Variants in UBA6 observed in about 807,000 individuals in gnomAD.
UBA6 encodes the protein ubiquitin like modifier activating enzyme 6.
A neutral mutation model predicts 148.3 loss-of-function variants in UBA6; 87 were observed. The observed-to-expected ratio is 0.59, with a 90% CI of 0.49 to 0.70. UBA6 has a LOEUF of 0.70. UBA6 is among the 30% of genes least tolerant of loss of function. The pLI, the probability that UBA6 is intolerant of heterozygous loss-of-function variation, is 0.00. For synonymous variants in UBA6, 376 were observed against 401.0 expected, an observed-to-expected ratio of 0.94 and a Z score of 0.75; for missense variants, 1,186 against 1,241.2, an observed-to-expected ratio of 0.96 and a Z score of 0.67.
chr4:67,626,389 T>C lies in UBA6; in HGVS notation c.2489A>G (p.Lys830Arg), dbSNP rs779585019. Residue 830 changes from lysine to arginine, a missense_variant, in exon 28 of 33, where the codon AAG (lysine) becomes AGG (arginine). Lys to Arg is a conservative substitution (Grantham distance 26). Coordinates refer to ENST00000322244, the MANE Select transcript of UBA6 (RefSeq NM_018227.6). ...DERNAIFQLE[K>R]AILSNEATKS... ...GGTGGCTTCATTAGATAAAATAGCC[T>C]TTTCTAGTTGGAAAATTGCATTCCT... 3.2e-5 allele frequency: 52 copies of C among 1,610,792 alleles called. No individual in the cohort carries two copies. The East Asian group carries it at 1.1e-3, about 35-fold the overall frequency.
chr4:67,631,724 C>A lies in UBA6; in HGVS notation c.2242G>T (p.Asp748Tyr). 3.7e-6 allele frequency: 6 copies of A among 1,608,600 alleles called. No homozygotes were observed. In the South Asian group the frequency reaches 5.5e-5, roughly 15 times the overall value. The change falls in exon 25 of 33, where the codon GAT (aspartate) becomes TAT (tyrosine). Residue 748 changes from aspartate to tyrosine, a missense_variant. By Grantham distance (160) the Asp-to-Tyr change is radical. Transcript: ENST00000322244. Reference sequence around the variant, plus strand: ...AATACTTACAAAGGCTCATTTAAATCAAATTTTATTGGAGAGGGTGGCCTC... The same window carrying A: ...AATACTTACAAAGGCTCATTTAAATAAAATTTTATTGGAGAGGGTGGCCTC... ...PKRPPSPIKF[D>Y]LNEPLHLSFL...
chr4:67,653,582 C>T (rs554397508), intron 13 of UBA6, among the ~76,000 whole-genome samples: 37 of 152,282 alleles, frequency 2.4e-4, no homozygotes, highest in African/African-American at 8.4e-4. Context: ...TGGGGAGAAA[C>T]CAGAGCAGAA....
intron 26 of UBA6, 121 bp from the exon 27 acceptor site, chr4:67,629,263 T>C (rs558899456): frequency 1.4e-5 from 9 of 656,552 alleles, no homozygotes; most frequent in Middle Eastern, 4.3e-4. Flanking sequence ...TCTGAATATG[T>C]AGACATCCAT....
intron 13 of UBA6, among the ~76,000 whole-genome samples, chr4:67,652,249 A>G (rs1033035368): frequency 6.6e-6 from 1 of 152,198 alleles, no homozygotes; most frequent in African/African-American, 2.4e-5. Flanking sequence ...CTCTCAACCA[A>G]TAATTAAAAG....
chr4:67,628,273 C>A (rs1175984520), intron 27 of UBA6, among the ~76,000 whole-genome samples: 2 of 151,834 alleles, frequency 1.3e-5, no homozygotes, highest in African/African-American at 4.8e-5. Context: ...CTTATTTCAA[C>A]TAAGAAAATA....
At chr4:67,631,241 T>C (rs778488548) in intron 25 of UBA6, among the ~76,000 whole-genome samples, 1 of 152,108 alleles carries the variant, frequency 6.6e-6, no homozygotes, top group Non-Finnish European at 1.5e-5. Flanking sequence ...AAAATATACA[T>C]ATACACACAA....
Position 67,639,065 on chromosome 4 carries a change from T to A in UBA6, c.1614A>T (p.Ile538=). 1 of 1,613,634 alleles carries A rather than the reference T, an allele frequency of 6.2e-7. No individual in the cohort carries two copies. The highest frequency in any genetic ancestry group is 8.5e-7 in the Non-Finnish European group (1 of 1,179,790). The change falls in exon 19 of 33, where the codon ATA becomes ATT. Residue 538 remains isoleucine, a synonymous_variant. Coordinates refer to ENST00000322244, the MANE Select transcript of UBA6 (RefSeq NM_018227.6). The part of the protein sequence containing the change: ...ATLKINSQIK[I]DAHLNKVCPT... ...GACATACTTTGTTCAGGTGTGCATC[T>A]ATCTTTATTTGAGAATTTATTTTCA...
At chr4:67,689,898 G>A (rs148172434) in intron 2 of UBA6, among the ~76,000 whole-genome samples, 155 of 152,126 alleles carry the variant, frequency 1.0e-3, no homozygotes, top group African/African-American at 3.5e-3. Context: ...CACAGTCTAC[G>A]ACTTAGAAAA....
chr4:67,645,791 C>T (rs1577805462), intron 16 of UBA6, 147 bp downstream of exon 16: 2 of 410,236 alleles, frequency 4.9e-6, no homozygotes, highest in African/African-American at 4.1e-5. Context: ...AGACAGTAAA[C>T]AATTTCAGCT....
Position 67,663,141 on chromosome 4 carries a change from A to G in UBA6, c.1035T>C (p.Val345=). The change falls in exon 12 of 33, where the codon GTT becomes GTC. Residue 345 remains valine, a splice_region_variant and synonymous_variant. Transcript: ENST00000322244. The part of the protein sequence containing the change: ...FQEKYSRKPN[V]GCQQDSEELL... ...TATTTTTAAACTTAAAACATTACCC[A>G]ACATTTGGCTTGCGACTGTATTTCT... is the stretch of plus-strand genomic sequence containing the variant. 1 of 1,604,758 alleles carries G rather than the reference A, an allele frequency of 6.2e-7. No individual in the cohort carries two copies. The highest frequency in any genetic ancestry group is 8.5e-7 in the Non-Finnish European group (1 of 1,176,590).
In UBA6 at chr4:67,677,694, C is replaced by T. The variant is rs1445098518; in HGVS notation, c.382G>A (p.Glu128Lys). ...GTGACATGAACGTATGGATTTAGTT[C>T]TGCAATATGTTTAAGTACAGCTTCA... ...RAEAVLKHIAELNPYVHVTSS... is the reference protein window; with the variant it reads ...RAEAVLKHIAKLNPYVHVTSS... Residue 128 changes from glutamate (E) to lysine (K), a missense_variant, in exon 6 of 33, where the codon GAA becomes AAA. Transcript: ENST00000322244. 7.5e-6 allele frequency: 12 copies of T among 1,601,212 alleles called. No homozygotes were observed. The highest frequency in any genetic ancestry group is 9.4e-6 in the Non-Finnish European group (11 of 1,171,102).
chr4:67,621,671 T>C (rs1337347201), intron 32 of UBA6, among the ~76,000 whole-genome samples: 3 of 151,844 alleles, frequency 2.0e-5, no homozygotes, highest in Non-Finnish European at 2.9e-5. Context: ...GGTGTGGTGT[T>C]GGGTGCCTGT....
At chr4:67,639,200 G>T in intron 18 of UBA6, 76 bp from the exon 19 acceptor site, 1 of 1,177,000 alleles carries the variant, frequency 8.5e-7, no homozygotes, top group Non-Finnish European at 1.2e-6. Flanking sequence ...ATATTCCAGA[G>T]TGATAAGAAT....
At chr4:67,670,096 C>A (rs1267514280) in intron 8 of UBA6, among the ~76,000 whole-genome samples, 1 of 152,040 alleles carries the variant, frequency 6.6e-6, no homozygotes, top group Non-Finnish European at 1.5e-5. Context: ...CCACACACCA[C>A]CAGGCCCGGT....
Position 67,701,038 on chromosome 4 carries a change from C to A in UBA6, c.71+11G>T. 1 of 1,613,708 alleles carries A rather than the reference C, an allele frequency of 6.2e-7. No homozygotes were observed. Among genetic ancestry groups the A allele is most frequent in the South Asian group, 1.1e-5 (1 of 91,078 alleles). On this transcript the variant is annotated intron_variant, in intron 1 of 32. Transcript: ENST00000322244. ...CGCGACCCCTCACCTTCGCCCTTCT[C>A]GTCCTCTCACCTGCCAGTCCCCCAG... is the stretch of plus-strand genomic sequence containing the variant.
At chr4:67,685,560 G>T (rs1470854374) in intron 2 of UBA6, among the ~76,000 whole-genome samples, 1 of 152,108 alleles carries the variant, frequency 6.6e-6, no homozygotes, top group African/African-American at 2.4e-5. Context: ...CAAAAATTTG[G>T]GGGGCCAGGA....
At chr4:67,622,025 C>T (rs1728763573) in intron 32 of UBA6, among the ~76,000 whole-genome samples, 1 of 152,056 alleles carries the variant, frequency 6.6e-6, no homozygotes, top group Non-Finnish European at 1.5e-5. Context: ...GAGTTACAAG[C>T]AGAGGGAACA....
intron 7 of UBA6, among the ~76,000 whole-genome samples, chr4:67,670,962 T>C (rs1730134320): frequency 6.6e-6 from 1 of 152,144 alleles, no homozygotes; most frequent in South Asian, 2.1e-4. Flanking sequence ...CTTGTTATTT[T>C]AGGAAAGAGG....
chr4:67,643,924 T>G (rs892000098), intron 17 of UBA6, among the ~76,000 whole-genome samples: 1 of 152,064 alleles, frequency 6.6e-6, no homozygotes, highest in South Asian at 2.1e-4. Flanking sequence ...ACACAAGTAA[T>G]AGTGGTTTGT....
Sources: allele counts gnomAD v4.1 joint callset (sites outside exome capture counted in the v4.1 genomes callset), GRCh38; gene constraint gnomAD v4.1.1; transcripts MANE v1.5; gene names NCBI Gene and HGNC (gene_info 2026-07-23, HGNC 2026-07-21).